Variants in KLF8 observed in about 807,000 individuals in gnomAD.
KLF8 encodes KLF transcription factor 8.
In KLF8, 10 loss-of-function variants were observed where a neutral mutation model predicts 18.2. The observed-to-expected ratio is 0.55, with a 90% confidence interval of 0.34 to 0.93. The LOEUF is 0.93. KLF8 is among the 40% of genes least tolerant of loss of function. The pLI is 0.02. For synonymous variants in KLF8, 109 were observed against 97.3 expected (o/e 1.12, Z -0.71); for missense variants, 264 against 277.9 (o/e 0.95, Z 0.36).
the KLF8 span, among the ~76,000 whole-genome samples, chrX:56,115,926 G>A: frequency 1.8e-5 from 2 of 112,368 alleles, no homozygotes; most frequent in Non-Finnish European, 3.8e-5. Flanking sequence ...TAGGCTTCAA[G>A]CATCTATCTT....
chrX:56,049,752 G>A, the KLF8 span, among the ~76,000 whole-genome samples: 2 of 110,497 alleles, frequency 1.8e-5, no homozygotes, highest in African/African-American at 3.3e-5. Flanking sequence ...TTTCTGCCTG[G>A]CTTTGGTATC....
chrX:56,177,534 G>A, the KLF8 span, among the ~76,000 whole-genome samples: 3 of 111,065 alleles, frequency 2.7e-5, no homozygotes, highest in Non-Finnish European at 5.7e-5. Context: ...CTCCCAGTTA[G>A]GCTACTCGGG....
At chrX:56,105,321 G>A in the KLF8 span, among the ~76,000 whole-genome samples, 1 of 111,381 alleles carries the variant, frequency 9.0e-6, no homozygotes, top group Admixed American at 9.6e-5. Context: ...GGGTGTTAAA[G>A]TCTCACATTA....
At chrX:56,061,986 CTTT>C in the KLF8 span, among the ~76,000 whole-genome samples, 3 of 57,146 alleles carry the variant, frequency 5.2e-5, no homozygotes, top group Admixed American at 1.7e-4. Flanking sequence ...GCAACCCCTG[CTTT>C]TTTTTTTTTT....
the KLF8 span, among the ~76,000 whole-genome samples, chrX:56,158,370 C>T: frequency 1.1e-3 from 119 of 111,754 alleles, no homozygotes; most frequent in African/African-American, 3.4e-3. Context: ...CTTGGCAACG[C>T]GAGCTCTTTT....
chrX:56,120,781 AGAGGGCATGTTTCCAAGT>A, the KLF8 span, among the ~76,000 whole-genome samples: 1 of 111,690 alleles, frequency 9.0e-6, no homozygotes, highest in South Asian at 3.8e-4. Flanking sequence ...TCTGGGTTTT[AGAGGGCATGTTTCCAAGT>A]GAGGGTGAGA....
At chrX:55,972,455 A>C in the KLF8 span, among the ~76,000 whole-genome samples, 1 of 94,829 alleles carries the variant, frequency 1.1e-5, no homozygotes, top group Non-Finnish European at 2.2e-5. Flanking sequence ...AAAGAATAAG[A>C]TGTAGGATTT....
At chrX:56,089,410 A>G in the KLF8 span, among the ~76,000 whole-genome samples, 1 of 112,082 alleles carries the variant, frequency 8.9e-6, no homozygotes, top group African/African-American at 3.3e-5. Flanking sequence ...TGAAATATTA[A>G]ATAATTCAAG....
the KLF8 span, among the ~76,000 whole-genome samples, chrX:56,001,174 G>T: frequency 8.9e-6 from 1 of 112,192 alleles, no homozygotes; most frequent in Non-Finnish European, 1.9e-5. Context: ...GAAATCAGGT[G>T]TTGTTGATTC....
At chrX:56,182,837 T>A in the KLF8 span, among the ~76,000 whole-genome samples, 8 of 112,248 alleles carry the variant, frequency 7.1e-5, no homozygotes, top group Admixed American at 7.6e-4. Context: ...GGAAGCTTCA[T>A]CTCAGAGTGG....
the KLF8 span, among the ~76,000 whole-genome samples, chrX:55,916,531 T>A: frequency 9.0e-6 from 1 of 111,630 alleles, no homozygotes; most frequent in Non-Finnish European, 1.9e-5. Context: ...TTCAGTGGCT[T>A]AAATTTATCT....
the KLF8 span, among the ~76,000 whole-genome samples, chrX:56,183,825 C>T: frequency 3.2e-3 from 361 of 111,477 alleles, no homozygotes; most frequent in African/African-American, 0.011. Flanking sequence ...TGTAAGTGAA[C>T]GAAACTCTCT....
chrX:55,990,329 T>G, the KLF8 span, among the ~76,000 whole-genome samples: 1 of 112,303 alleles, frequency 8.9e-6, no homozygotes, highest in Non-Finnish European at 1.9e-5. Context: ...CTTTCTCTTG[T>G]GGGCATTTAA....
At chrX:56,180,994 T>C in the KLF8 span, among the ~76,000 whole-genome samples, 1 of 111,515 alleles carries the variant, frequency 9.0e-6, no homozygotes, top group African/African-American at 3.3e-5. Context: ...GGTGCAGAGC[T>C]GAGTTCAAGT....
the KLF8 span, among the ~76,000 whole-genome samples, chrX:56,103,627 T>G: frequency 9.0e-6 from 1 of 111,621 alleles, no homozygotes; most frequent in Non-Finnish European, 1.9e-5. Flanking sequence ...ACAATGGGGT[T>G]TTCTAAATAT....
chrX:56,167,927 T>C, the KLF8 span, among the ~76,000 whole-genome samples: 2 of 111,629 alleles, frequency 1.8e-5, no homozygotes, highest in African/African-American at 6.5e-5. Context: ...CCATCCCATA[T>C]TCAGATATTT....
intron 2 of KLF8, among the ~76,000 whole-genome samples, chrX:56,262,175 T>G (rs1199160181): frequency 1.8e-5 from 2 of 111,815 alleles, no homozygotes; most frequent in Admixed American, 9.5e-5. Context: ...CAGGGTTTGG[T>G]TAAGAATTGG....
chrX:55,957,806 TA>T, the KLF8 span, among the ~76,000 whole-genome samples: 1 of 111,654 alleles, frequency 9.0e-6, no homozygotes, highest in Admixed American at 9.5e-5. Flanking sequence ...TTATTAAATT[TA>T]TCAATTTTGG....
the KLF8 span, among the ~76,000 whole-genome samples, chrX:56,006,681 G>A: frequency 8.9e-6 from 1 of 112,231 alleles, no homozygotes; most frequent in Non-Finnish European, 1.9e-5. Context: ...CTTTTAAATG[G>A]GATTATTTGT....
Sources: allele counts gnomAD v4.1 joint callset (sites outside exome capture counted in the v4.1 genomes callset), GRCh38; gene constraint gnomAD v4.1.1; transcripts MANE v1.5; gene names NCBI Gene and HGNC (gene_info 2026-07-23, HGNC 2026-07-21).